WNT7A: variants seen among roughly 807,000 people sequenced by gnomAD.
WNT7A encodes the protein Wnt family member 7A.
In WNT7A, 16 loss-of-function variants were observed where a neutral mutation model predicts 28.2. The ratio of observed to expected loss-of-function variants is 0.57; its 90% confidence interval spans 0.38 to 0.86. WNT7A has a LOEUF of 0.86. WNT7A is among the 40% of genes least tolerant of loss of function. The probability of loss-of-function intolerance (pLI) is 0.00; values close to 1 mark genes in which losing one functional copy is unlikely to be tolerated. For synonymous variants in WNT7A, 190 were observed against 195.9 expected, an observed-to-expected ratio of 0.97 and a Z score of 0.25; for missense variants, 411 against 489.7, an observed-to-expected ratio of 0.84 and a Z score of 1.52.
At chr3:13,820,653 C>CTGGCCCTGGGCCCGT (rs1694092514) in intron 3 of WNT7A, among the ~76,000 whole-genome samples, 1 of 152,216 alleles carries the variant, frequency 6.6e-6, no homozygotes, top group African/African-American at 2.4e-5. Flanking sequence ...AGTCTTGCCT[C>CTGGCCCTGGGCCCGT]TGGCCCTGGG....
intron 3 of WNT7A, among the ~76,000 whole-genome samples, chr3:13,832,861 G>A (rs562587304): frequency 1.3e-5 from 2 of 152,134 alleles, no homozygotes; most frequent in Admixed American, 6.5e-5. Flanking sequence ...GAGGTTTTCT[G>A]GTCTATACTG....
rs1575056906 is a variant in WNT7A at position 13,818,368 on chromosome 3, A to AAAAAAAAAAAAAAAAAAAAG, written c.*575_*576insCTTTTTTTTTTTTTTTTTTT. 8.0e-5 allele frequency: 12 copies of AAAAAAAAAAAAAAAAAAAAG among 150,042 alleles called. No individual in the cohort carries two copies. The highest frequency in any genetic ancestry group is 2.0e-4 in the East Asian group (1 of 5,112). The allele number at this position is 150,042 out of a possible 1,614,324, so 9.3% of individuals were successfully genotyped here. ...GCAAACAGCAAAAAAAAAAAAAAAA[A>AAAAAAAAAAAAAAAAAAAAG]TGTGTGTGTGTATATCTATATATGC... On this transcript the variant is annotated 3_prime_UTR_variant, in exon 4 of 4. Coordinates refer to ENST00000285018, the MANE Select transcript of WNT7A (RefSeq NM_004625.4).
intron 1 of WNT7A, chr3:13,875,945 C>A (rs1559309739): frequency 6.6e-6 from 1 of 152,392 alleles, no homozygotes; most frequent in Non-Finnish European, 1.5e-5. Flanking sequence ...CAATGCCCTG[C>A]CCTCAAGGAA....
At chr3:13,877,399 A>G (rs1364926828) in intron 1 of WNT7A, among the ~76,000 whole-genome samples, 1 of 152,226 alleles carries the variant, frequency 6.6e-6, no homozygotes, top group South Asian at 2.1e-4. Flanking sequence ...GAATGCTGGG[A>G]ATGTCTGAGG....
chr3:13,866,895 C>A (rs1490881068), intron 2 of WNT7A, among the ~76,000 whole-genome samples: 1 of 152,092 alleles, frequency 6.6e-6, no homozygotes, highest in Admixed American at 6.5e-5. Context: ...ATTGTCCAGG[C>A]AACAAGTATC....
chr3:13,836,941 T>C (rs1412123669), intron 3 of WNT7A, among the ~76,000 whole-genome samples: 1 of 152,134 alleles, frequency 6.6e-6, no homozygotes, highest in Non-Finnish European at 1.5e-5. Context: ...GGAAGGCAAG[T>C]TGGGACCTGA....
chr3:13,817,399 A>G lies in WNT7A; in HGVS notation c.*1545T>C, dbSNP rs1447054569. On this transcript the variant is annotated 3_prime_UTR_variant, in exon 4 of 4. Coordinates refer to ENST00000285018, the MANE Select transcript of WNT7A (RefSeq NM_004625.4). ...GCAAGGCGCAAAGTCACGTGACTAC[A>G]CTCAAGTCCCTAAGAAGATACAGTA... is the stretch of plus-strand genomic sequence containing the variant. The G allele has an allele frequency of 6.6e-6, 1 of 150,858 alleles. No individual in the cohort carries two copies. Among genetic ancestry groups the G allele is most frequent in the African/African-American group, 2.4e-5 (1 of 40,914 alleles). The allele number at this position is 150,858 out of a possible 1,614,324, so 9.3% of individuals were successfully genotyped here. A position where few individuals can be genotyped will look rare whatever the true frequency, so the allele number is the denominator to read the frequency against.
chr3:13,868,561 GGAGAGAGAGAGA>G (rs745949619), intron 2 of WNT7A, among the ~76,000 whole-genome samples: 1 of 75,016 alleles, frequency 1.3e-5, no homozygotes, highest in Non-Finnish European at 2.3e-5. Context: ...GGAAGAAGGG[GGAGAGAGAGAGA>G]GAGAGAGAGA....
At chr3:13,874,571 G>A (rs758931339) in intron 2 of WNT7A, among the ~76,000 whole-genome samples, 2 of 152,022 alleles carry the variant, frequency 1.3e-5, no homozygotes, top group Non-Finnish European at 2.9e-5. Context: ...CAACCACATG[G>A]GCACACATGT....
intron 2 of WNT7A, among the ~76,000 whole-genome samples, chr3:13,858,934 A>T (rs1286193318): frequency 2.0e-5 from 3 of 152,184 alleles, no homozygotes; most frequent in Non-Finnish European, 4.4e-5. Context: ...TGTGTGACTA[A>T]CGTCAGGGCT....
At chr3:13,869,179 GAAGGAAGGAAGC>G (rs1339295050) in intron 2 of WNT7A, among the ~76,000 whole-genome samples, 1 of 136,256 alleles carries the variant, frequency 7.3e-6, no homozygotes, top group Admixed American at 7.4e-5. Flanking sequence ...AGAGAGAATG[GAAGGAAGGAAGC>G]AAGGAAGGAA....
chr3:13,826,011 G>A (rs1268412455), intron 3 of WNT7A, among the ~76,000 whole-genome samples: 3 of 152,344 alleles, frequency 2.0e-5, no homozygotes, highest in South Asian at 2.1e-4. Context: ...GTGTGCAAGC[G>A]GTGCTGCCCG....
chr3:13,836,857 C>T (rs115280819), intron 3 of WNT7A, among the ~76,000 whole-genome samples: 3,525 of 152,256 alleles, frequency 0.023, 136 homozygotes, highest in African/African-American at 0.081. Flanking sequence ...TGCCCTGGGG[C>T]TGGAAAAACC....
At chr3:13,871,317 G>A (rs1695023400) in intron 2 of WNT7A, among the ~76,000 whole-genome samples, 2 of 152,180 alleles carry the variant, frequency 1.3e-5, no homozygotes, top group South Asian at 4.1e-4. Context: ...CCATGGGGGT[G>A]AGAGCACTGA....
At chr3:13,860,961 G>T (rs1267886369) in intron 2 of WNT7A, among the ~76,000 whole-genome samples, 1 of 152,178 alleles carries the variant, frequency 6.6e-6, no homozygotes, top group African/African-American at 2.4e-5. Context: ...TCTAAGCACT[G>T]AATATAGATC....
chr3:13,864,892 G>T (rs1239736839), intron 2 of WNT7A, among the ~76,000 whole-genome samples: 1 of 152,184 alleles, frequency 6.6e-6, no homozygotes, highest in Non-Finnish European at 1.5e-5. Flanking sequence ...ATGCATGATT[G>T]AAGGGACTTT....
intron 2 of WNT7A, among the ~76,000 whole-genome samples, chr3:13,870,950 C>T (rs1695018712): frequency 6.6e-6 from 1 of 152,228 alleles, no homozygotes; most frequent in Admixed American, 6.5e-5. Flanking sequence ...TGCCTGGTAC[C>T]TGCCCATTGC....
chr3:13,858,032 T>C (rs1382487951), intron 2 of WNT7A, among the ~76,000 whole-genome samples: 2 of 151,412 alleles, frequency 1.3e-5, no homozygotes, highest in African/African-American at 4.9e-5. Context: ...AGGTAAGGAG[T>C]AGGGCTTTTC....
intron 2 of WNT7A, among the ~76,000 whole-genome samples, chr3:13,855,374 T>A (rs1254471455): frequency 2.6e-5 from 4 of 151,850 alleles, no homozygotes; most frequent in African/African-American, 9.7e-5. Flanking sequence ...TGAGGGAGAA[T>A]GAGTTTGTCC....
Sources: allele counts gnomAD v4.1 joint callset (sites outside exome capture counted in the v4.1 genomes callset), GRCh38; gene constraint gnomAD v4.1.1; transcripts MANE v1.5; gene names NCBI Gene and HGNC (gene_info 2026-07-23, HGNC 2026-07-21).